LPA: variants seen among roughly 807,000 people sequenced by gnomAD.
The protein encoded by LPA is apolipoprotein(a).
A neutral mutation model predicts 197.9 loss-of-function variants in LPA; 199 were observed. The observed-to-expected ratio is 1.01, with a 90% CI of 0.90 to 1.13. LPA has a LOEUF of 1.13. LPA is among the 50% of genes most tolerant of loss of function. The probability of loss-of-function intolerance (pLI) is 0.00; values close to 1 mark genes in which losing one functional copy is unlikely to be tolerated. For synonymous variants in LPA, 715 were observed against 639.5 expected, an observed-to-expected ratio of 1.12 and a Z score of -1.78; for missense variants, 1,853 against 1,785.8, an observed-to-expected ratio of 1.04 and a Z score of -0.68.
chr6:160,609,364 G>T (rs934530145), intron 16 of LPA, among the ~76,000 whole-genome samples: 3 of 151,900 alleles, frequency 2.0e-5, no homozygotes, highest in Non-Finnish European at 2.9e-5. Context: ...CCTGGTATCT[G>T]GCTTCCAGTG....
intron 1 of LPA, among the ~76,000 whole-genome samples, chr6:160,652,713 A>G (rs1373827401): frequency 2.0e-5 from 3 of 152,160 alleles, no homozygotes; most frequent in Non-Finnish European, 4.4e-5. Context: ...TCAATGTATT[A>G]TGAGAGCTAT....
chr6:160,653,951 T>TG (rs1780052952), intron 1 of LPA, among the ~76,000 whole-genome samples: 1 of 30,620 alleles, frequency 3.3e-5, no homozygotes, highest in South Asian at 9.4e-4. Flanking sequence ...TTATATATAT[T>TG]ATATATAATA....
At chr6:160,663,979 C>T (rs142866246) in intron 1 of LPA, among the ~76,000 whole-genome samples, 187 bp downstream of exon 1, 3 of 152,216 alleles carry the variant, frequency 2.0e-5, no homozygotes, top group African/African-American at 4.8e-5. Flanking sequence ...ATTCCAGCAC[C>T]GTGACAGTCT....
At chr6:160,592,398 A>G (rs1205890282) in intron 22 of LPA, among the ~76,000 whole-genome samples, 8 of 152,142 alleles carry the variant, frequency 5.3e-5, no homozygotes, top group Non-Finnish European at 7.4e-5. Flanking sequence ...TGGCTCTTCA[A>G]TTCTTTTCTT....
intron 1 of LPA, among the ~76,000 whole-genome samples, chr6:160,661,539 G>A (rs910378010): frequency 2.0e-5 from 3 of 152,160 alleles, no homozygotes; most frequent in Admixed American, 2.0e-4. Flanking sequence ...GCAAGGAGGA[G>A]GATGCACGCT....
intron 28 of LPA, among the ~76,000 whole-genome samples, chr6:160,567,684 C>T (rs559204323): frequency 6.6e-6 from 1 of 152,116 alleles, no homozygotes; most frequent in African/African-American, 2.4e-5. Context: ...AAAAAACCTT[C>T]AAAACATCAA....
At chr6:160,545,574 C>T in intron 32 of LPA, 41 bp from the exon 33 acceptor site, 1 of 1,172,166 alleles carries the variant, frequency 8.5e-7, no homozygotes, top group Non-Finnish European at 1.3e-6. Flanking sequence ...TCACGTGGAG[C>T]AGGAGAGGGA....
At chr6:160,608,148 T>G (rs1779400703) in intron 16 of LPA, among the ~76,000 whole-genome samples, 1 of 152,212 alleles carries the variant, frequency 6.6e-6, no homozygotes, top group African/African-American at 2.4e-5. Flanking sequence ...TACATCTACA[T>G]TTGCCAATTG....
At chr6:160,572,441 C>T (rs895165928) in intron 28 of LPA, among the ~76,000 whole-genome samples, 2 of 152,148 alleles carry the variant, frequency 1.3e-5, no homozygotes, top group African/African-American at 4.8e-5. Flanking sequence ...TTTATTGCCT[C>T]CGTACTTTGG....
Position 160,589,540 on chromosome 6 carries a change from C to T in LPA, c.3947+13G>A, listed in dbSNP as rs200148400. On this transcript the variant is annotated intron_variant, in intron 24 of 38. Coordinates refer to ENST00000316300, the MANE Select transcript of LPA (RefSeq NM_005577.4). Reference sequence around the variant, plus strand: ...GGTGGCTGTTTCTCTTGGGAGAAAACTCAAAGACATACCCATTTGGGTAGT... The same window carrying T: ...GGTGGCTGTTTCTCTTGGGAGAAAATTCAAAGACATACCCATTTGGGTAGT... The T allele has an allele frequency of 1.2e-6, 2 of 1,612,956 alleles. No homozygotes were observed. Among genetic ancestry groups the T allele is most frequent in the South Asian group, 2.2e-5 (2 of 91,050 alleles).
At chr6:160,653,975 A>G (rs369678359) in intron 1 of LPA, among the ~76,000 whole-genome samples, 2 of 19,034 alleles carry the variant, frequency 1.1e-4, no homozygotes, top group African/African-American at 4.4e-4. Flanking sequence ...ATTATATATA[A>G]TATATAATAT....
At chr6:160,653,996 TTA>T (rs1562354606) in intron 1 of LPA, among the ~76,000 whole-genome samples, 790 of 16,068 alleles carry the variant, frequency 0.049, 51 homozygotes, top group Admixed American at 0.058. Context: ...ATAATATATA[TTA>T]TATATAATAT....
intron 6 of LPA, among the ~76,000 whole-genome samples, chr6:160,637,571 A>C (rs1310950597): frequency 6.2e-5 from 7 of 112,746 alleles, no homozygotes; most frequent in Admixed American, 9.1e-5. Context: ...GTGTGTGTGT[A>C]GCTCATTCTG....
At chr6:160,647,170 T>C (rs1283896368) in intron 2 of LPA, among the ~76,000 whole-genome samples, 1 of 152,072 alleles carries the variant, frequency 6.6e-6, no homozygotes, top group Non-Finnish European at 1.5e-5. Flanking sequence ...AACTGGGGGA[T>C]GAGTTGAAAG....
At chr6:160,649,352 C>T (rs1399116959) in intron 2 of LPA, among the ~76,000 whole-genome samples, 4 of 152,168 alleles carry the variant, frequency 2.6e-5, no homozygotes, top group Admixed American at 6.5e-5. Context: ...TCTTGTGGAT[C>T]TATTTTCTGT....
At chr6:160,578,447 T>A in intron 27 of LPA, 76 bp downstream of exon 27, 6 of 1,573,590 alleles carry the variant, frequency 3.8e-6, no homozygotes, top group Non-Finnish European at 5.2e-6. Flanking sequence ...AGTGTACCAC[T>A]GAAGGCTTCT....
At chr6:160,537,814 T>C in intron 37 of LPA, 41 bp downstream of exon 37, 3 of 1,574,094 alleles carry the variant, frequency 1.9e-6, no homozygotes. Flanking sequence ...GCACTGAAGG[T>C]CAAAAACAAT....
chr6:160,566,582 A>T (rs147007419), intron 28 of LPA, among the ~76,000 whole-genome samples: 1 of 152,362 alleles, frequency 6.6e-6, no homozygotes, highest in African/African-American at 2.4e-5. Context: ...AACTGCATCA[A>T]CTAATGAGCA....
intron 1 of LPA, among the ~76,000 whole-genome samples, chr6:160,661,044 T>G (rs568244942): frequency 3.3e-5 from 5 of 151,244 alleles, no homozygotes; most frequent in South Asian, 2.1e-4. Context: ...TCAGCTGTGT[T>G]CCCATTGCAA....
Sources: gnomAD v4.1 joint callset for allele counts (sites outside exome capture counted in the v4.1 genomes callset) on GRCh38, gnomAD v4.1.1 for gene constraint, MANE v1.5 for transcripts, NCBI Gene and HGNC (gene_info 2026-07-23, HGNC 2026-07-21) for gene names.